The following HECW2 variants were observed in gnomAD, a reference collection of about 807,000 sequenced individuals.
The protein encoded by HECW2 is E3 ubiquitin-protein ligase HECW2.
A neutral mutation model predicts 175.2 loss-of-function variants in HECW2; 61 were observed. The observed-to-expected ratio is 0.35, with a 90% CI of 0.28 to 0.43. The LOEUF is 0.43. HECW2 is among the 20% of genes least tolerant of loss of function. The probability of loss-of-function intolerance (pLI) is 1.00; values close to 1 mark genes in which losing one functional copy is unlikely to be tolerated. For missense variants in HECW2, 1,524 were observed against 2,000.5 expected, an observed-to-expected ratio of 0.76 and a Z score of 4.54; for synonymous variants, 671 against 731.0, an observed-to-expected ratio of 0.92 and a Z score of 1.32.
At chr2:196,247,473 T>C (rs151194213) in intron 19 of HECW2, among the ~76,000 whole-genome samples, 375 of 152,290 alleles carry the variant, frequency 2.5e-3, no homozygotes, top group African/African-American at 8.4e-3. Flanking sequence ...AGGAATTTTA[T>C]GGTCTTTACA....
At chr2:196,515,328 C>T (rs1688110138) in intron 1 of HECW2, among the ~76,000 whole-genome samples, 1 of 152,246 alleles carries the variant, frequency 6.6e-6, no homozygotes, top group Admixed American at 6.5e-5. Context: ...AAGCCAAGTG[C>T]AGGCTGCTGG....
intron 2 of HECW2, among the ~76,000 whole-genome samples, chr2:196,354,116 A>G (rs2105861940): frequency 6.6e-6 from 1 of 152,358 alleles, no homozygotes; most frequent in East Asian, 1.9e-4. Context: ...AAGCAACATC[A>G]GGGCCAAGCC....
chr2:196,394,307 T>C (rs13404777), intron 2 of HECW2, among the ~76,000 whole-genome samples: 28,837 of 151,916 alleles, frequency 0.19, 3,824 homozygotes, highest in African/African-American at 0.37. Flanking sequence ...TAATTAAAAA[T>C]AAAAAAGAAA....
chr2:196,541,664 A>G (rs1689219132), intron 1 of HECW2, among the ~76,000 whole-genome samples: 1 of 152,146 alleles, frequency 6.6e-6, no homozygotes, highest in Non-Finnish European at 1.5e-5. Context: ...GAATAATTCA[A>G]TCACCTTTCA....
chr2:196,267,237 T>C (rs1558996267), intron 17 of HECW2, among the ~76,000 whole-genome samples: 1 of 152,356 alleles, frequency 6.6e-6, no homozygotes, highest in South Asian at 2.1e-4. Flanking sequence ...TCTCATTACA[T>C]AGTGCTATAC....
chr2:196,498,395 G>T (rs905533694), intron 1 of HECW2, among the ~76,000 whole-genome samples: 1 of 152,094 alleles, frequency 6.6e-6, no homozygotes, highest in African/African-American at 2.4e-5. Flanking sequence ...TTTATGTGCA[G>T]TATCATGGTG....
intron 10 of HECW2, among the ~76,000 whole-genome samples, chr2:196,314,861 A>G (rs778710351): frequency 8.5e-5 from 13 of 152,242 alleles, no homozygotes; most frequent in African/African-American, 1.2e-4. Context: ...CAGAAGCCAC[A>G]AGACACCACA....
chr2:196,548,854 A>G lies in HECW2; in HGVS notation c.-36+44654T>C, dbSNP rs190110858. Among the ~76,000 whole-genome samples the G allele has an allele frequency of 3.9e-5, 6 of 152,204 alleles. No homozygotes were observed. The East Asian group carries it at 1.2e-3, about 29-fold the overall frequency. ...CGGTCTTTCTCCTATGCCTCCTCAC[A>G]TAGTCTTCCCTCTGTGCGTGTCTTT... On this transcript the variant is annotated intron_variant, in intron 1 of 28. Coordinates refer to ENST00000644978, the MANE Select transcript of HECW2 (RefSeq NM_001348768.2).
At chr2:196,432,493 G>A (rs542755752) in intron 2 of HECW2, among the ~76,000 whole-genome samples, 1 of 152,154 alleles carries the variant, frequency 6.6e-6, no homozygotes, top group South Asian at 2.1e-4. Flanking sequence ...TTCATTCATC[G>A]CTCACTCAGC....
intron 13 of HECW2, among the ~76,000 whole-genome samples, chr2:196,299,999 C>G (rs1399715989): frequency 6.6e-5 from 10 of 151,952 alleles, no homozygotes; most frequent in Admixed American, 6.5e-4. Context: ...CTACTTGAAA[C>G]AATGCAGCGA....
chr2:196,227,834 G>A (rs1308892843), intron 22 of HECW2, among the ~76,000 whole-genome samples: 2 of 152,164 alleles, frequency 1.3e-5, no homozygotes, highest in African/African-American at 4.8e-5. Context: ...TTCTTGCAAT[G>A]GGAAATACCT....
intron 26 of HECW2, among the ~76,000 whole-genome samples, chr2:196,218,696 T>TG (rs1687563238): frequency 6.6e-6 from 1 of 151,028 alleles, no homozygotes; most frequent in Non-Finnish European, 1.5e-5. Context: ...ACCCTCTGTC[T>TG]GAAAAAAAAA....
Position 196,446,342 on chromosome 2 carries a change from A to G in HECW2, c.-35-12884T>C, listed in dbSNP as rs569066516. Among the ~76,000 whole-genome samples the G allele has an allele frequency of 4.6e-5, 7 of 152,240 alleles. No individual in the cohort carries two copies. In the East Asian group the frequency reaches 1.3e-3, roughly 29 times the overall value. On this transcript the variant is annotated intron_variant, in intron 1 of 28. Coordinates refer to ENST00000644978, the MANE Select transcript of HECW2 (RefSeq NM_001348768.2). ...CATGATAAATTTCAACTGCTCCAACACTACCTACCCCCTTTTCCTGCTTTA... is the reference window on the plus strand; with the variant it reads ...CATGATAAATTTCAACTGCTCCAACGCTACCTACCCCCTTTTCCTGCTTTA...
Position 196,479,783 on chromosome 2 carries a change from C to A in HECW2, c.-35-46325G>T, listed in dbSNP as rs201545252. Among the ~76,000 whole-genome samples the A allele has an allele frequency of 2.0e-5, 3 of 152,270 alleles. No homozygotes were observed. In the East Asian group the frequency reaches 5.8e-4, roughly 29 times the overall value. ...TATCTTTGACTCTTCCTACCAGCCCCAATTTTCTTTTCCATCTTGCCCTGA... is the reference window on the plus strand; with the variant it reads ...TATCTTTGACTCTTCCTACCAGCCCAAATTTTCTTTTCCATCTTGCCCTGA... On this transcript the variant is annotated intron_variant, in intron 1 of 28. Coordinates refer to ENST00000644978, the MANE Select transcript of HECW2 (RefSeq NM_001348768.2).
At chr2:196,236,473 A>G (rs1179017687) in intron 21 of HECW2, among the ~76,000 whole-genome samples, 1 of 152,236 alleles carries the variant, frequency 6.6e-6, no homozygotes, top group Non-Finnish European at 1.5e-5. Flanking sequence ...TAATTAATAA[A>G]CCAATATTGA....
At chr2:196,565,281 G>T (rs1690146287) in intron 1 of HECW2, among the ~76,000 whole-genome samples, 2 of 152,060 alleles carry the variant, frequency 1.3e-5, no homozygotes, top group Admixed American at 1.3e-4. Flanking sequence ...ATCTAAATTT[G>T]GGGAATTTAA....
chr2:196,521,483 T>C (rs1278005869), intron 1 of HECW2, among the ~76,000 whole-genome samples: 2 of 152,004 alleles, frequency 1.3e-5, no homozygotes, highest in African/African-American at 4.8e-5. Flanking sequence ...TATTTCATTT[T>C]ATTTTTTTAT....
At chr2:196,397,864 T>C (rs1694713072) in intron 2 of HECW2, among the ~76,000 whole-genome samples, 1 of 152,140 alleles carries the variant, frequency 6.6e-6, no homozygotes, top group Non-Finnish European at 1.5e-5. Context: ...CCCAATACCA[T>C]TGCTTCATAT....
In HECW2 at chr2:196,482,188, G is replaced by A. The variant is rs115602522; in HGVS notation, c.-35-48730C>T. On this transcript the variant is annotated intron_variant, in intron 1 of 28. Coordinates refer to ENST00000644978, the MANE Select transcript of HECW2 (RefSeq NM_001348768.2). ...CCTTGAGCACAGGGATACTCACAGG[G>A]CCAATATGGACCCTCATAGGCATGC... Among the ~76,000 whole-genome samples the A allele has an allele frequency of 3.3e-3, 509 of 152,272 alleles. 3 individuals are homozygous for A. The highest frequency in any genetic ancestry group is 0.012 in the African/African-American group (490 of 41,540).
Sources: gnomAD v4.1 joint callset for allele counts (sites outside exome capture counted in the v4.1 genomes callset) on GRCh38, gnomAD v4.1.1 for gene constraint, MANE v1.5 for transcripts, NCBI Gene and HGNC (gene_info 2026-07-23, HGNC 2026-07-21) for gene names.